Variants in SMOC2 observed in about 807,000 individuals in gnomAD.
SMOC2 encodes the protein SPARC-related modular calcium-binding protein 2.
SMOC2 carries 39 observed loss-of-function variants against 61.4 expected under a neutral mutation model. The observed-to-expected ratio is 0.64, with a 90% CI of 0.49 to 0.83. SMOC2 has a LOEUF of 0.83. SMOC2 is among the 40% of genes least tolerant of loss of function. SMOC2 has a pLI of 0.00. For synonymous variants in SMOC2, 247 were observed against 239.9 expected, an observed-to-expected ratio of 1.03 and a Z score of -0.27; for missense variants, 556 against 592.9, an observed-to-expected ratio of 0.94 and a Z score of 0.65.
intron 7 of SMOC2, among the ~76,000 whole-genome samples, chr6:168,556,424 G>A (rs984880138): frequency 2.0e-5 from 3 of 152,100 alleles, no homozygotes; most frequent in Non-Finnish European, 4.4e-5. Context: ...ACCTCCCCAC[G>A]CGGGAAGCTG....
intron 11 of SMOC2, among the ~76,000 whole-genome samples, chr6:168,659,030 G>T (rs1425751354): frequency 6.8e-6 from 1 of 148,016 alleles, no homozygotes; most frequent in African/African-American, 2.5e-5. Context: ...TGGGGGTGTG[G>T]TGTGTATGTG....
intron 1 of SMOC2, among the ~76,000 whole-genome samples, chr6:168,468,610 C>G (rs548077413): frequency 6.6e-6 from 1 of 152,268 alleles, no homozygotes; most frequent in African/African-American, 2.4e-5. Context: ...ACTCTGCACA[C>G]AGCAACCTCC....
chr6:168,474,211 G>A (rs1355148325), intron 1 of SMOC2, among the ~76,000 whole-genome samples: 1 of 152,188 alleles, frequency 6.6e-6, no homozygotes, highest in African/African-American at 2.4e-5. Context: ...ACAGCTCGCA[G>A]GTTCCTGCAC....
chr6:168,515,539 T>A (rs1472919039), intron 2 of SMOC2, among the ~76,000 whole-genome samples: 1 of 125,622 alleles, frequency 8.0e-6, no homozygotes, highest in African/African-American at 3.1e-5. Flanking sequence ...CCGTCTGCAG[T>A]TGGAGTTTTC....
intron 8 of SMOC2, among the ~76,000 whole-genome samples, chr6:168,599,306 C>T (rs1313594569): frequency 7.1e-6 from 1 of 141,812 alleles, no homozygotes. Flanking sequence ...ATACCACACA[C>T]ACACCCCCAC....
intron 1 of SMOC2, among the ~76,000 whole-genome samples, chr6:168,501,377 G>C (rs1782723962): frequency 6.6e-6 from 1 of 152,164 alleles, no homozygotes; most frequent in South Asian, 2.1e-4. Flanking sequence ...GAGAGTTGCA[G>C]AGCAAAAAGT....
intron 1 of SMOC2, among the ~76,000 whole-genome samples, chr6:168,470,061 T>C (rs962461458): frequency 3.3e-5 from 5 of 152,222 alleles, no homozygotes; most frequent in African/African-American, 1.2e-4. Context: ...CTAATCTCCA[T>C]CACAATTGCC....
chr6:168,655,732 G>A (rs529790289), intron 11 of SMOC2, among the ~76,000 whole-genome samples: 4 of 152,024 alleles, frequency 2.6e-5, no homozygotes, highest in African/African-American at 9.6e-5. Flanking sequence ...CCTCACACAT[G>A]TGTGCTAGAT....
At chr6:168,480,059 GCA>G (rs1782172270) in intron 1 of SMOC2, among the ~76,000 whole-genome samples, 1 of 151,680 alleles carries the variant, frequency 6.6e-6, no homozygotes, top group African/African-American at 2.4e-5. Flanking sequence ...CTCATCCTTG[GCA>G]CAGAGACAGC....
chr6:168,528,183 T>C (rs540592614), intron 4 of SMOC2, among the ~76,000 whole-genome samples: 2 of 152,320 alleles, frequency 1.3e-5, no homozygotes, highest in South Asian at 4.1e-4. Flanking sequence ...TATGTTATTT[T>C]ATTACTCGTA....
intron 1 of SMOC2, among the ~76,000 whole-genome samples, chr6:168,472,308 C>T (rs959528300): frequency 6.6e-6 from 1 of 150,990 alleles, no homozygotes; most frequent in Non-Finnish European, 1.5e-5. Flanking sequence ...GAGACTGTCC[C>T]TTCCCCCAGT....
At chr6:168,662,261 A>G (rs1012323256) in intron 11 of SMOC2, among the ~76,000 whole-genome samples, 5 of 152,250 alleles carry the variant, frequency 3.3e-5, no homozygotes, top group Admixed American at 6.5e-5. Flanking sequence ...GCGAGTCATC[A>G]GATAAATAAG....
intron 1 of SMOC2, among the ~76,000 whole-genome samples, chr6:168,483,732 A>G (rs1437645940): frequency 6.6e-6 from 1 of 152,158 alleles, no homozygotes; most frequent in Non-Finnish European, 1.5e-5. Flanking sequence ...ACAGTGTGGT[A>G]CTGGCATAAA....
chr6:168,460,276 C>T (rs74816244), intron 1 of SMOC2, among the ~76,000 whole-genome samples: 5,619 of 152,246 alleles, frequency 0.037, 161 homozygotes, highest in South Asian at 0.13. Context: ...TATGGGATAT[C>T]CTTCTAAGGT....
At chr6:168,456,092 C>T (rs575972549) in intron 1 of SMOC2, among the ~76,000 whole-genome samples, 2 of 152,366 alleles carry the variant, frequency 1.3e-5, no homozygotes, top group East Asian at 3.9e-4. Context: ...GGGGCACGGG[C>T]CTGCTGGGAA....
intron 10 of SMOC2, among the ~76,000 whole-genome samples, chr6:168,651,766 C>T (rs564372483): frequency 2.6e-5 from 4 of 152,262 alleles, no homozygotes; most frequent in Admixed American, 6.5e-5. Context: ...GCAGGCCGGG[C>T]GCAGGGGCTC....
intron 2 of SMOC2, among the ~76,000 whole-genome samples, chr6:168,521,044 T>C (rs1783317138): frequency 6.6e-6 from 1 of 152,270 alleles, no homozygotes; most frequent in South Asian, 2.1e-4. Context: ...AGGGAATTAT[T>C]TGCTTTCCGT....
intron 6 of SMOC2, 93 bp downstream of exon 6, chr6:168,547,262 C>T (rs1784025710): frequency 1.8e-6 from 2 of 1,095,668 alleles, no homozygotes; most frequent in Non-Finnish European, 2.8e-6. Flanking sequence ...CTTGTTAGAG[C>T]TCCGTTCAGT....
rs113370705 is a variant in SMOC2 at position 168,573,435 on chromosome 6, T to C, written c.637+24232T>C. Among the ~76,000 whole-genome samples, 420 of 141,626 alleles carry C rather than the reference T, an allele frequency of 3.0e-3. 19 individuals are homozygous for C. Among genetic ancestry groups the C allele is most frequent in the African/African-American group, 0.012 (395 of 32,990 alleles). The allele number at this position is 141,626 out of a possible 152,430, so 92.9% of individuals were successfully genotyped here. A position where few individuals can be genotyped will look rare whatever the true frequency, so the allele number is the denominator to read the frequency against. ...ATTTCCTGCCCGCATCTCCGGGTGC[T>C]GGGACCAGGGCTGCGTGCTCCCTGG... On this transcript the variant is annotated intron_variant, in intron 7 of 12. Coordinates refer to ENST00000356284, the MANE Select transcript of SMOC2 (RefSeq NM_001166412.2).
Sources: gnomAD v4.1 joint callset for allele counts (sites outside exome capture counted in the v4.1 genomes callset) on GRCh38, gnomAD v4.1.1 for gene constraint, MANE v1.5 for transcripts, NCBI Gene and HGNC (gene_info 2026-07-23, HGNC 2026-07-21) for gene names.